CCNY: variants seen among roughly 807,000 people sequenced by gnomAD.
CCNY encodes cyclin Y, also known as cyclin-Y.
A neutral mutation model predicts 42.8 loss-of-function variants in CCNY; 19 were observed. The observed-to-expected ratio is 0.44, with a 90% CI of 0.31 to 0.65. The LOEUF is 0.65. Among genes scored for constraint, CCNY ranks in the 30% least tolerant of loss-of-function variants. The pLI is 0.07. For missense variants in CCNY, 370 were observed against 437.3 expected (o/e 0.85, Z 1.37); for synonymous variants, 165 against 162.7 (o/e 1.01, Z -0.11).
At chr10:35,556,033 T>A (rs1841356477) in intron 8 of CCNY, among the ~76,000 whole-genome samples, 1 of 152,226 alleles carries the variant, frequency 6.6e-6, no homozygotes, top group Admixed American at 6.5e-5. Context: ...TATTCCATAT[T>A]TTGTCCAAAG....
intron 1 of CCNY, among the ~76,000 whole-genome samples, chr10:35,426,190 C>T (rs1030179320): frequency 6.7e-6 from 1 of 150,154 alleles, no homozygotes; most frequent in Non-Finnish European, 1.5e-5. Flanking sequence ...CACACACAGG[C>T]ACATGACCCA....
chr10:35,493,019 T>G (rs1839932895), intron 2 of CCNY, among the ~76,000 whole-genome samples: 1 of 152,064 alleles, frequency 6.6e-6, no homozygotes, highest in Non-Finnish European at 1.5e-5. Flanking sequence ...GGTATCAGGT[T>G]TCTTGGCCAG....
At chr10:35,454,044 T>C (rs1407489720) in intron 1 of CCNY, among the ~76,000 whole-genome samples, 1 of 152,216 alleles carries the variant, frequency 6.6e-6, no homozygotes, top group East Asian at 1.9e-4. Flanking sequence ...AACACTATAC[T>C]GTACTGTGAC....
intron 1 of CCNY, among the ~76,000 whole-genome samples, chr10:35,423,254 T>A (rs1185463948): frequency 6.6e-6 from 1 of 152,112 alleles, no homozygotes; most frequent in Non-Finnish European, 1.5e-5. Context: ...GCAGTTGGAT[T>A]GCTTGAGCCT....
chr10:35,431,867 C>T (rs1292593136), intron 1 of CCNY, among the ~76,000 whole-genome samples: 1 of 152,072 alleles, frequency 6.6e-6, no homozygotes, highest in Non-Finnish European at 1.5e-5. Context: ...GCCTCTAAAC[C>T]ACCAGAGATT....
intron 1 of CCNY, among the ~76,000 whole-genome samples, chr10:35,453,348 T>G (rs917402238): frequency 6.6e-6 from 1 of 152,364 alleles, no homozygotes; most frequent in South Asian, 2.1e-4. Context: ...TTTTGATCAC[T>G]ACATAATTTT....
chr10:35,283,055 G>C (rs907420151), intron 3 of CCNY, among the ~76,000 whole-genome samples: 9 of 152,188 alleles, frequency 5.9e-5, no homozygotes, highest in Non-Finnish European at 1.2e-4. Context: ...TGAGGGTACA[G>C]TTCTTGAGTC....
At chr10:35,319,307 G>T (rs997086358) in intron 3 of CCNY, among the ~76,000 whole-genome samples, 1 of 152,156 alleles carries the variant, frequency 6.6e-6, no homozygotes, top group Non-Finnish European at 1.5e-5. Flanking sequence ...CTGAGACCAG[G>T]AGTTTGGGGC....
chr10:35,513,710 T>C (rs1241967040), intron 3 of CCNY, among the ~76,000 whole-genome samples: 2 of 152,186 alleles, frequency 1.3e-5, no homozygotes, highest in Non-Finnish European at 2.9e-5. Context: ...CAGCTAGTTA[T>C]GTCCAAGTCA....
At chr10:35,438,497 C>G (rs945980519) in intron 1 of CCNY, among the ~76,000 whole-genome samples, 2 of 152,024 alleles carry the variant, frequency 1.3e-5, no homozygotes, top group Non-Finnish European at 2.9e-5. Flanking sequence ...TGTTGTATGG[C>G]TGTATCATTG....
intron 1 of CCNY, among the ~76,000 whole-genome samples, chr10:35,353,332 A>G (rs1258134591): frequency 6.6e-6 from 1 of 152,240 alleles, no homozygotes; most frequent in Admixed American, 6.5e-5. Flanking sequence ...GTTTGTTGGA[A>G]AAGAGATTTC....
intron 1 of CCNY, among the ~76,000 whole-genome samples, chr10:35,418,068 G>A (rs3013354): frequency 0.42 from 64,482 of 152,098 alleles, 14,620 homozygotes; most frequent in African/African-American, 0.58. Context: ...TGAGTATAAA[G>A]TGGGGTTTAT....
chr10:35,388,843 T>TTTC (rs1342927873), intron 1 of CCNY, among the ~76,000 whole-genome samples: 2 of 152,160 alleles, frequency 1.3e-5, no homozygotes, highest in Non-Finnish European at 2.9e-5. Flanking sequence ...TTCCTTGCCT[T>TTTC]TTCCAGTGTC....
intron 5 of CCNY, among the ~76,000 whole-genome samples, chr10:35,528,650 G>A (rs536806673): frequency 2.6e-5 from 4 of 152,236 alleles, no homozygotes; most frequent in South Asian, 2.1e-4. Context: ...GCTTGAACCC[G>A]GGAGGTGGAG....
chr10:35,383,744 C>T (rs933979308), intron 1 of CCNY, among the ~76,000 whole-genome samples: 8 of 152,064 alleles, frequency 5.3e-5, no homozygotes, highest in South Asian at 2.1e-4. Flanking sequence ...ATAAAGGGAT[C>T]GGGGAATCTT....
intron 3 of CCNY, among the ~76,000 whole-genome samples, chr10:35,311,402 C>T (rs1174743909): frequency 1.3e-5 from 2 of 152,062 alleles, no homozygotes; most frequent in Non-Finnish European, 2.9e-5. Context: ...TTTGGTTGAG[C>T]ACAGTGGCCC....
At chr10:35,509,941 G>A (rs1179308248) in intron 3 of CCNY, among the ~76,000 whole-genome samples, 1 of 152,158 alleles carries the variant, frequency 6.6e-6, no homozygotes, top group East Asian at 1.9e-4. Flanking sequence ...TCAGCAGGTG[G>A]CAGGTGTGAT....
At chr10:35,518,045 G>A (rs1243938933) in intron 4 of CCNY, among the ~76,000 whole-genome samples, 1 of 152,202 alleles carries the variant, frequency 6.6e-6, no homozygotes, top group Non-Finnish European at 1.5e-5. Flanking sequence ...GGAAGCCAGG[G>A]CAGAGTAGCA....
intron 3 of CCNY, among the ~76,000 whole-genome samples, chr10:35,276,033 A>G (rs1835235392): frequency 6.6e-6 from 1 of 152,186 alleles, no homozygotes; most frequent in South Asian, 2.1e-4. Flanking sequence ...TTGCAGAAGG[A>G]CTGGGGAATC....
Sources: gnomAD v4.1 joint callset for allele counts (sites outside exome capture counted in the v4.1 genomes callset) on GRCh38, gnomAD v4.1.1 for gene constraint, MANE v1.5 for transcripts, NCBI Gene and HGNC (gene_info 2026-07-23, HGNC 2026-07-21) for gene names.